KIRREL3: variants seen among roughly 807,000 people sequenced by gnomAD.
KIRREL3 encodes the protein kin of IRRE-like protein 3.
KIRREL3 carries 36 observed loss-of-function variants against 89.7 expected under a neutral mutation model. The ratio of observed to expected loss-of-function variants is 0.40; its 90% CI spans 0.31 to 0.53. The LOEUF is 0.53. KIRREL3 is among the 20% of genes least tolerant of loss of function. The pLI is 0.49. For synonymous variants in KIRREL3, 445 were observed against 441.4 expected (o/e 1.01, Z -0.10); for missense variants, 864 against 1,056.6 (o/e 0.82, Z 2.53).
chr11:126,792,113 G>T (rs1297365438), intron 1 of KIRREL3, among the ~76,000 whole-genome samples: 1 of 152,114 alleles, frequency 6.6e-6, no homozygotes, highest in Admixed American at 6.5e-5. Flanking sequence ...GGGAGGCAGC[G>T]AGATGTAAAT....
At chr11:126,451,678 G>A (rs569136573) in intron 7 of KIRREL3, among the ~76,000 whole-genome samples, 1 of 151,970 alleles carries the variant, frequency 6.6e-6, no homozygotes, top group Non-Finnish European at 1.5e-5. Context: ...GTGTGCATAT[G>A]TGCGTGTGTG....
intron 1 of KIRREL3, among the ~76,000 whole-genome samples, chr11:126,856,385 A>T (rs78785448): frequency 0.021 from 3,237 of 152,144 alleles, 108 homozygotes; most frequent in African/African-American, 0.073. Flanking sequence ...AAACTACTTG[A>T]TCTTTCTAAG....
chr11:126,598,635 C>T (rs901534634), intron 1 of KIRREL3, among the ~76,000 whole-genome samples: 1 of 152,194 alleles, frequency 6.6e-6, no homozygotes, highest in African/African-American at 2.4e-5. Context: ...TACTCCTGGT[C>T]TTCATTTTAT....
intron 1 of KIRREL3, among the ~76,000 whole-genome samples, chr11:126,824,386 G>A (rs967592431): frequency 2.6e-5 from 4 of 152,184 alleles, no homozygotes; most frequent in African/African-American, 9.7e-5. Context: ...AAGCAGCTAG[G>A]TATTATTTAC....
intron 5 of KIRREL3, among the ~76,000 whole-genome samples, chr11:126,469,049 T>A (rs1956808644): frequency 1.3e-5 from 2 of 152,314 alleles, no homozygotes; most frequent in South Asian, 2.1e-4. Context: ...AAGCTCGCTA[T>A]GTGCCAGGCG....
intron 1 of KIRREL3, among the ~76,000 whole-genome samples, chr11:126,577,305 C>T (rs529291255): frequency 5.9e-5 from 9 of 151,938 alleles, no homozygotes; most frequent in Admixed American, 2.0e-4. Context: ...AGGACTTCTG[C>T]GCTCAGGTCA....
chr11:126,479,938 C>T (rs1957174483), intron 4 of KIRREL3, among the ~76,000 whole-genome samples: 1 of 152,188 alleles, frequency 6.6e-6, no homozygotes, highest in African/African-American at 2.4e-5. Context: ...TAGAATCTGC[C>T]AGTTGGGCCA....
chr11:126,760,688 A>G (rs1384170476), intron 1 of KIRREL3, among the ~76,000 whole-genome samples: 1 of 152,242 alleles, frequency 6.6e-6, no homozygotes, highest in Non-Finnish European at 1.5e-5. Flanking sequence ...ATATACTGGA[A>G]GCAGTCTAGA....
At chr11:126,777,364 G>GTATGAA (rs1196602830) in intron 1 of KIRREL3, among the ~76,000 whole-genome samples, 1 of 152,184 alleles carries the variant, frequency 6.6e-6, no homozygotes, top group African/African-American at 2.4e-5. Context: ...GATAATTCAG[G>GTATGAA]TATGAAGCAG....
rs75666451 is a variant in KIRREL3 at position 126,891,185 on chromosome 11, G to T, written c.55+109270C>A. Reference sequence around the variant, plus strand: ...AAGCCACAGTGGAAACATCTGAGAAGCGTCCCAAGATACTGCAAATTATAA... The same window carrying T: ...AAGCCACAGTGGAAACATCTGAGAATCGTCCCAAGATACTGCAAATTATAA... On this transcript the variant is annotated intron_variant, in intron 1 of 16. Coordinates refer to ENST00000525144, the MANE Select transcript of KIRREL3 (RefSeq NM_032531.4). This position sits in a 1 kb window ranked among gnomAD's most constrained non-coding sequence, Gnocchi z 5.1. Among the ~76,000 whole-genome samples, 672 of 152,256 alleles carry T rather than the reference G, an allele frequency of 4.4e-3. 1 individual carries two copies. The highest frequency in any genetic ancestry group is 0.014 in the African/African-American group (580 of 41,546).
chr11:126,677,779 A>C lies in KIRREL3; in HGVS notation c.56-114867T>G, dbSNP rs780217671. On this transcript the variant is annotated intron_variant, in intron 1 of 16. Transcript: ENST00000525144. The surrounding 1 kb of genome is among the most constrained non-coding windows in gnomAD (Gnocchi z 5.1). ...TCCAGGAACAACTGCACATTTGTCCACTGGTTGGAGTGAGCCTCCCCCTTT... is the reference window on the plus strand; with the variant it reads ...TCCAGGAACAACTGCACATTTGTCCCCTGGTTGGAGTGAGCCTCCCCCTTT... Among the ~76,000 whole-genome samples, 1 of 152,162 alleles carries C rather than the reference A, an allele frequency of 6.6e-6. No homozygotes were observed. Among genetic ancestry groups the C allele is most frequent in the Non-Finnish European group, 1.5e-5 (1 of 68,024 alleles).
chr11:126,683,726 T>C lies in KIRREL3; in HGVS notation c.56-120814A>G, dbSNP rs184987138. ...AAAATCAGTGTGCTGATATCACCCC[T>C]TTTGTCTATGAGGAGTGAATGTCTC... On this transcript the variant is annotated intron_variant, in intron 1 of 16. Transcript: ENST00000525144. This position sits in a 1 kb window ranked among gnomAD's most constrained non-coding sequence, Gnocchi z 5.2. 1.1e-4 allele frequency among the ~76,000 whole-genome samples: 16 copies of C among 152,288 alleles called. No homozygotes were observed. In the East Asian group the frequency reaches 2.1e-3, roughly 20 times the overall value.
chr11:126,960,521 A>G (rs1178551648), intron 1 of KIRREL3, among the ~76,000 whole-genome samples: 1 of 152,188 alleles, frequency 6.6e-6, no homozygotes, highest in Non-Finnish European at 1.5e-5. Flanking sequence ...CTAACTCATC[A>G]AGACGGATCT....
rs1958102223 is a variant in KIRREL3, at chr11:126,508,603, T to C, written c.433+12712A>G. Among the ~76,000 whole-genome samples, 1 of 151,990 alleles carries C rather than the reference T, an allele frequency of 6.6e-6. No individual in the cohort carries two copies. Among genetic ancestry groups the C allele is most frequent in the Non-Finnish European group, 1.5e-5 (1 of 67,976 alleles). On this transcript the variant is annotated intron_variant, in intron 4 of 16. Transcript: ENST00000525144. This position sits in a 1 kb window ranked among gnomAD's most constrained non-coding sequence, Gnocchi z 4.9. The stretch of plus-strand genomic sequence containing the variant: ...TAGGAAGAAACCTGTTTCATAGTGA[T>C]GATTTTAGGGGGAGTCAGGCAGCAG...
chr11:126,577,316 G>C (rs2134650264), intron 1 of KIRREL3, among the ~76,000 whole-genome samples: 1 of 152,122 alleles, frequency 6.6e-6, no homozygotes, highest in African/African-American at 2.4e-5. Context: ...GCTCAGGTCA[G>C]GTCGATGGGT....
rs1166751046 is a variant in KIRREL3 at position 126,601,563 on chromosome 11, T to G, written c.56-38651A>C. Among the ~76,000 whole-genome samples, 1 of 152,216 alleles carries G rather than the reference T, an allele frequency of 6.6e-6. No individual in the cohort carries two copies. Among genetic ancestry groups the G allele is most frequent in the Non-Finnish European group, 1.5e-5 (1 of 68,048 alleles). The stretch of plus-strand genomic sequence containing the variant: ...TTCCTAAATGGCTAATTATGGGAGA[T>G]AGATGGCTGTAAACAGAAGTCTTCT... On this transcript the variant is annotated intron_variant, in intron 1 of 16. Transcript: ENST00000525144. This position sits in a 1 kb window ranked among gnomAD's most constrained non-coding sequence, Gnocchi z 5.8.
At position 126,430,127 on chromosome 11, in the gene KIRREL3, G is replaced by A. The variant is rs1955075248; in HGVS notation, c.1697-839C>T. The stretch of plus-strand genomic sequence containing the variant: ...CACTCCAGCCTGGGCAACAGGATGA[G>A]ACTCTGTCTCAAAAAAAAAAAAGGA... On this transcript the variant is annotated intron_variant, in intron 14 of 16. Coordinates refer to ENST00000525144, the MANE Select transcript of KIRREL3 (RefSeq NM_032531.4). This position sits in a 1 kb window ranked among gnomAD's most constrained non-coding sequence, Gnocchi z 6.6. 7.0e-6 allele frequency among the ~76,000 whole-genome samples: 1 copy of A among 141,974 alleles called. No individual in the cohort carries two copies. The highest frequency in any genetic ancestry group is 2.8e-5 in the African/African-American group (1 of 36,136). 93.1% of individuals were successfully genotyped at this position (141,974 alleles called of 152,430 possible).
chr11:126,661,035 G>T (rs1219004927), intron 1 of KIRREL3, among the ~76,000 whole-genome samples: 1 of 152,134 alleles, frequency 6.6e-6, no homozygotes, highest in Non-Finnish European at 1.5e-5. Context: ...TATGTGTCTT[G>T]GCCAGTGTCT....
At position 126,773,637 on chromosome 11, in the gene KIRREL3, A is replaced by C. The variant is rs867084319; in HGVS notation, c.56-210725T>G. The stretch of plus-strand genomic sequence containing the variant: ...ATAATGATCTCCTTACAGGGAGCAC[A>C]CTAGCTTCTGCCATAGGAAGAACAT... On this transcript the variant is annotated intron_variant, in intron 1 of 16. Transcript: ENST00000525144. This position sits in a 1 kb window ranked among gnomAD's most constrained non-coding sequence, Gnocchi z 4.2. 4.6e-5 allele frequency among the ~76,000 whole-genome samples: 7 copies of C among 152,318 alleles called. No homozygotes were observed. Among genetic ancestry groups the C allele is most frequent in the South Asian group, 4.1e-4 (2 of 4,830 alleles).
Sources: allele counts gnomAD v4.1 joint callset (sites outside exome capture counted in the v4.1 genomes callset), GRCh38; gene constraint gnomAD v4.1.1; non-coding constraint Gnocchi (gnomAD v3.1); transcripts MANE v1.5; gene names NCBI Gene and HGNC (gene_info 2026-07-23, HGNC 2026-07-21).